Variants in LHPP observed in about 807,000 individuals in gnomAD.
LHPP encodes the protein hLHPP.
LHPP carries 24 observed loss-of-function variants against 30.3 expected under a neutral mutation model. The observed-to-expected ratio is 0.79, with a 90% CI of 0.57 to 1.11. The LOEUF is 1.11. LHPP is among the 50% of genes most tolerant of loss of function. LHPP has a pLI of 0.00. For synonymous variants in LHPP, 150 were observed against 157.1 expected (o/e 0.95, Z 0.34); for missense variants, 356 against 367.2 (o/e 0.97, Z 0.25).
chr10:124,551,376 C>T (rs546542661), intron 6 of LHPP, among the ~76,000 whole-genome samples: 48 of 152,270 alleles, frequency 3.2e-4, no homozygotes, highest in African/African-American at 1.1e-3. Context: ...GCAAGTTTGG[C>T]ACCCCCGGCC....
At chr10:124,494,327 G>C (rs1953633985) in intron 3 of LHPP, among the ~76,000 whole-genome samples, 1 of 152,190 alleles carries the variant, frequency 6.6e-6, no homozygotes, top group African/African-American at 2.4e-5. Flanking sequence ...GGGTAGCTGA[G>C]GGACAGGGGT....
chr10:124,499,685 A>G (rs1364799722), intron 5 of LHPP, among the ~76,000 whole-genome samples: 2 of 151,926 alleles, frequency 1.3e-5, no homozygotes, highest in Admixed American at 6.5e-5. Context: ...CAGAGTCCAC[A>G]GCTGCCCCAG....
At chr10:124,605,983 C>T (rs996612867) in intron 6 of LHPP, among the ~76,000 whole-genome samples, 14 of 152,234 alleles carry the variant, frequency 9.2e-5, no homozygotes, top group Non-Finnish European at 1.5e-4. Flanking sequence ...TGTGTGCCTC[C>T]GCTTCTACCT....
At chr10:124,499,586 G>A (rs1001235504) in intron 5 of LHPP, among the ~76,000 whole-genome samples, 1 of 151,912 alleles carries the variant, frequency 6.6e-6, no homozygotes, top group Non-Finnish European at 1.5e-5. Context: ...AACCTGGGAG[G>A]CAGAAGTTGC....
At chr10:124,597,287 A>G (rs1033029679) in intron 6 of LHPP, among the ~76,000 whole-genome samples, 1 of 152,128 alleles carries the variant, frequency 6.6e-6, no homozygotes, top group African/African-American at 2.4e-5. Flanking sequence ...ATGTATAGAC[A>G]TGGATCCTAT....
chr10:124,477,886 C>T (rs947913427), intron 1 of LHPP, among the ~76,000 whole-genome samples: 9 of 152,222 alleles, frequency 5.9e-5, no homozygotes, highest in African/African-American at 1.9e-4. Context: ...CTCCTGAGCA[C>T]CTGGTGGCCC....
At chr10:124,534,393 A>C (rs60352465) in intron 6 of LHPP, among the ~76,000 whole-genome samples, 19,076 of 152,234 alleles carry the variant, frequency 0.13, 2,208 homozygotes, top group African/African-American at 0.31. Flanking sequence ...CAACGGCAGG[A>C]AGAGGGCAGC....
rs114414602 is a variant in LHPP, at chr10:124,467,671, C to T, written c.125+5684C>T. Reference sequence around the variant, plus strand: ...CAGATAGCTGGGACTACAGGTATACCTCCACATGCAGGTTTTTCTTTTGTG... The same window carrying T: ...CAGATAGCTGGGACTACAGGTATACTTCCACATGCAGGTTTTTCTTTTGTG... On this transcript the variant is annotated intron_variant, in intron 1 of 6. Coordinates refer to ENST00000368842, the MANE Select transcript of LHPP (RefSeq NM_022126.4). Among the ~76,000 whole-genome samples the T allele has an allele frequency of 7.9e-3, 1,189 of 150,910 alleles. 13 individuals carry two copies. The highest frequency in any genetic ancestry group is 0.027 in the African/African-American group (1,118 of 40,936).
At chr10:124,498,161 A>T in intron 5 of LHPP, 33 bp downstream of exon 5, 2 of 1,592,192 alleles carry the variant, frequency 1.3e-6, no homozygotes, top group South Asian at 2.2e-5. Flanking sequence ...GGGTCAGGGG[A>T]GGCAGCCCCG....
intron 6 of LHPP, among the ~76,000 whole-genome samples, chr10:124,568,061 G>A (rs1050779558): frequency 3.3e-5 from 5 of 152,022 alleles, no homozygotes; most frequent in Admixed American, 1.3e-4. Context: ...CTACAGGCGC[G>A]TGCCACCACG....
intron 6 of LHPP, among the ~76,000 whole-genome samples, chr10:124,569,935 G>A (rs541145546): frequency 1.3e-5 from 2 of 152,144 alleles, no homozygotes; most frequent in Non-Finnish European, 2.9e-5. Flanking sequence ...GCACCCAGAA[G>A]TTTCCCCGTG....
chr10:124,519,926 G>A (rs942494234), intron 6 of LHPP, among the ~76,000 whole-genome samples: 1 of 151,698 alleles, frequency 6.6e-6, no homozygotes, highest in Non-Finnish European at 1.5e-5. Context: ...TCCGCCTCCC[G>A]GGTTCACGCC....
intron 6 of LHPP, among the ~76,000 whole-genome samples, chr10:124,602,791 C>T (rs563865446): frequency 6.6e-6 from 1 of 152,340 alleles, no homozygotes; most frequent in East Asian, 1.9e-4. Flanking sequence ...CTTCACACAT[C>T]CAGATCCAGA....
At chr10:124,597,232 G>A (rs72842324) in intron 6 of LHPP, among the ~76,000 whole-genome samples, 6,245 of 152,174 alleles carry the variant, frequency 0.041, 266 homozygotes, top group East Asian at 0.19. Flanking sequence ...CGTGGGACCC[G>A]CCTAGTGATC....
In LHPP at chr10:124,608,682, G is replaced by A. The variant is rs554644579; in HGVS notation, c.717-4582G>A. The stretch of plus-strand genomic sequence containing the variant: ...GCCGTTCTGGTTTTGTCTCTGTCTC[G>A]CTCAGAGGGACCCCCACCCCACCCA... On this transcript the variant is annotated intron_variant, in intron 6 of 6. Coordinates refer to ENST00000368842, the MANE Select transcript of LHPP (RefSeq NM_022126.4). Among the ~76,000 whole-genome samples, 13 of 147,102 alleles carry A rather than the reference G, an allele frequency of 8.8e-5. No homozygotes were observed. The East Asian group carries it at 2.4e-3, about 27-fold the overall frequency.
intron 1 of LHPP, among the ~76,000 whole-genome samples, chr10:124,463,875 G>A (rs1006982294): frequency 1.4e-5 from 2 of 145,998 alleles, no homozygotes; most frequent in Non-Finnish European, 3.0e-5. Context: ...AGGCTGGAGT[G>A]CAGTGGTTCA....
intron 1 of LHPP, among the ~76,000 whole-genome samples, chr10:124,479,083 A>AG (rs2133837123): frequency 6.6e-6 from 1 of 151,500 alleles, no homozygotes; most frequent in East Asian, 1.9e-4. Flanking sequence ...AAAAAAAAAA[A>AG]AAGATCCAGT....
At chr10:124,607,832 G>C (rs1490713780) in intron 6 of LHPP, among the ~76,000 whole-genome samples, 1 of 152,210 alleles carries the variant, frequency 6.6e-6, no homozygotes, top group Non-Finnish European at 1.5e-5. Context: ...GTACCAGAGA[G>C]GACGTCAGAC....
chr10:124,462,939 C>T (rs1007068886), intron 1 of LHPP, among the ~76,000 whole-genome samples: 1 of 152,200 alleles, frequency 6.6e-6, no homozygotes, highest in African/African-American at 2.4e-5. Context: ...GCAATCTCTG[C>T]TGACTGCAAC....
Sources: gnomAD v4.1 joint callset for allele counts (sites outside exome capture counted in the v4.1 genomes callset) on GRCh38, gnomAD v4.1.1 for gene constraint, MANE v1.5 for transcripts, NCBI Gene and HGNC (gene_info 2026-07-23, HGNC 2026-07-21) for gene names.